Variants in CCDC7 observed in about 807,000 individuals in gnomAD.
CCDC7 encodes the protein coiled-coil domain containing 7, also known as coiled-coil domain-containing protein 7.
CCDC7 carries 183 observed loss-of-function variants against 196.9 expected under a neutral mutation model. That is an observed-to-expected ratio of 0.93 (90% CI 0.82 to 1.05). CCDC7 has a LOEUF of 1.05. CCDC7 is among the 50% of genes least tolerant of loss of function. The probability of loss-of-function intolerance (pLI) is 0.00; values close to 1 mark genes in which losing one functional copy is unlikely to be tolerated. For synonymous variants in CCDC7, 525 were observed against 484.6 expected (o/e 1.08, Z -1.10); for missense variants, 1,540 against 1,482.2 (o/e 1.04, Z -0.64).
At chr10:32,644,746 C>G (rs545976496) in intron 20 of CCDC7, among the ~76,000 whole-genome samples, 33 of 152,314 alleles carry the variant, frequency 2.2e-4, no homozygotes, top group African/African-American at 3.4e-4. Context: ...TCATTCTCTT[C>G]TCTTGGCTGC....
chr10:32,863,921 C>G (rs1217085825), intron 41 of CCDC7, among the ~76,000 whole-genome samples: 2 of 145,242 alleles, frequency 1.4e-5, no homozygotes, highest in African/African-American at 5.0e-5. Flanking sequence ...AAGGCTGTGT[C>G]AAGAAAAAAC....
intron 28 of CCDC7, among the ~76,000 whole-genome samples, chr10:32,747,974 A>C (rs2075068805): frequency 6.6e-6 from 1 of 152,250 alleles, no homozygotes; most frequent in Non-Finnish European, 1.5e-5. Flanking sequence ...GATGCCTATC[A>C]ACAGTGGACT....
At chr10:32,554,743 T>C (rs2054076493) in intron 13 of CCDC7, among the ~76,000 whole-genome samples, 1 of 152,234 alleles carries the variant, frequency 6.6e-6, no homozygotes, top group Non-Finnish European at 1.5e-5. Context: ...TTTTAAAATG[T>C]ACAATAAATG....
chr10:32,502,434 G>A (rs1264727160), intron 9 of CCDC7, among the ~76,000 whole-genome samples: 1 of 152,066 alleles, frequency 6.6e-6, no homozygotes, highest in Non-Finnish European at 1.5e-5. Flanking sequence ...TACCTCAGTT[G>A]GAAATGTAGG....
At chr10:32,623,240 G>A (rs2063601152) in intron 18 of CCDC7, among the ~76,000 whole-genome samples, 1 of 152,050 alleles carries the variant, frequency 6.6e-6, no homozygotes, top group Admixed American at 6.6e-5. Flanking sequence ...TTATTTAAAA[G>A]GGCCTTGTCC....
intron 33 of CCDC7, among the ~76,000 whole-genome samples, chr10:32,841,626 A>G (rs1330769805): frequency 2.0e-5 from 3 of 152,116 alleles, no homozygotes; most frequent in Non-Finnish European, 4.4e-5. Context: ...TAAAATTCAT[A>G]TGGAACCAAA....
At chr10:32,444,379 A>C (rs11008941), upstream of CCDC7, among the ~76,000 whole-genome samples, 17,505 of 152,220 alleles carry the variant, frequency 0.11, 1,212 homozygotes, top group South Asian at 0.27. Flanking sequence ...TTTGCTTTAC[A>C]TTGTCAGCAC....
At chr10:32,803,015 T>C (rs1433228232) in intron 29 of CCDC7, among the ~76,000 whole-genome samples, 2 of 152,234 alleles carry the variant, frequency 1.3e-5, no homozygotes, top group Admixed American at 1.3e-4. Context: ...GAACAATACT[T>C]TGCATCCTTC....
At chr10:32,599,848 G>A (rs957590492) in intron 18 of CCDC7, among the ~76,000 whole-genome samples, 3 of 152,102 alleles carry the variant, frequency 2.0e-5, no homozygotes, top group African/African-American at 7.2e-5. Flanking sequence ...TAGGGATAGA[G>A]TTTCATTCTT....
intron 20 of CCDC7, among the ~76,000 whole-genome samples, chr10:32,656,521 G>T (rs1460800724): frequency 1.3e-5 from 2 of 152,316 alleles, no homozygotes; most frequent in East Asian, 3.9e-4. Flanking sequence ...GGAGAGAGAA[G>T]TGCCAATCAA....
chr10:32,641,343 G>T (rs1251910985), intron 20 of CCDC7, among the ~76,000 whole-genome samples: 1 of 152,154 alleles, frequency 6.6e-6, no homozygotes. Context: ...CCGAGGCTTT[G>T]TTCGTTTCTT....
intron 40 of CCDC7, among the ~76,000 whole-genome samples, chr10:32,852,517 C>G (rs941311775): frequency 6.6e-6 from 1 of 152,054 alleles, no homozygotes; most frequent in Non-Finnish European, 1.5e-5. Flanking sequence ...GAGTCTTGCT[C>G]TGTCGCCCAG....
intron 12 of CCDC7, among the ~76,000 whole-genome samples, chr10:32,543,961 A>G (rs2136165574): frequency 1.3e-5 from 2 of 152,178 alleles, no homozygotes; most frequent in Middle Eastern, 3.4e-3. Flanking sequence ...TCATGGGACA[A>G]ATGGCTTTGA....
intron 29 of CCDC7, among the ~76,000 whole-genome samples, chr10:32,781,916 T>C (rs893052474): frequency 3.3e-5 from 5 of 152,206 alleles, no homozygotes; most frequent in Non-Finnish European, 7.4e-5. Context: ...AAAACCCTAA[T>C]GATTCCACAA....
intron 29 of CCDC7, among the ~76,000 whole-genome samples, chr10:32,794,837 A>C (rs1420359756): frequency 6.6e-6 from 1 of 152,174 alleles, no homozygotes; most frequent in East Asian, 1.9e-4. Context: ...TGTCAAATGC[A>C]TAGTGAGGGT....
chr10:32,799,886 G>A (rs905933241), intron 29 of CCDC7, among the ~76,000 whole-genome samples: 10 of 152,178 alleles, frequency 6.6e-5, no homozygotes, highest in African/African-American at 2.4e-4. Context: ...CTGGAGAGTT[G>A]ATATATCCCT....
chr10:32,845,135 T>C (rs2093205811), intron 33 of CCDC7, 108 bp from the exon 35 acceptor site: 2 of 596,236 alleles, frequency 3.4e-6, no homozygotes, highest in African/African-American at 1.9e-5. Flanking sequence ...TAGTATTATA[T>C]AGGTGAAATT....
intron 33 of CCDC7, among the ~76,000 whole-genome samples, chr10:32,841,758 C>T (rs532772117): frequency 6.6e-6 from 1 of 151,906 alleles, no homozygotes; most frequent in Non-Finnish European, 1.5e-5. Context: ...TAAAAATACA[C>T]ACATAGACCA....
At chr10:32,460,084 A>C (rs1291039921) in intron 3 of CCDC7, among the ~76,000 whole-genome samples, 2 of 152,184 alleles carry the variant, frequency 1.3e-5, no homozygotes, top group Non-Finnish European at 2.9e-5. Flanking sequence ...AAACAATCAC[A>C]AAACAAATAC....
Sources: gnomAD v4.1 joint callset for allele counts (sites outside exome capture counted in the v4.1 genomes callset) on GRCh38, gnomAD v4.1.1 for gene constraint, MANE v1.5 for transcripts, NCBI Gene and HGNC (gene_info 2026-07-23, HGNC 2026-07-21) for gene names.